ANK2: variants seen among roughly 807,000 people sequenced by gnomAD.
ANK2 encodes the protein ankyrin 2.
Under a neutral mutation model 360.5 loss-of-function variants are expected in ANK2, and 83 were observed. The ratio of observed to expected loss-of-function variants is 0.23; its 90% confidence interval spans 0.19 to 0.28. The LOEUF is 0.28. ANK2 is among the 10% of genes least tolerant of loss of function. ANK2 has a pLI of 1.00. For synonymous variants in ANK2, 1,740 were observed against 1,759.5 expected (o/e 0.99, Z 0.28); for missense variants, 4,201 against 4,795.7 (o/e 0.88, Z 3.66).
At chr4:112,848,767 A>G (rs970664460) in intron 1 of ANK2, among the ~76,000 whole-genome samples, 3 of 152,210 alleles carry the variant, frequency 2.0e-5, no homozygotes, top group Non-Finnish European at 4.4e-5. Flanking sequence ...AAAAATAGAC[A>G]TGGAATAAAT....
the ANK2 span, among the ~76,000 whole-genome samples, chr4:112,757,526 T>C: frequency 6.6e-6 from 1 of 152,254 alleles, no homozygotes; most frequent in South Asian, 2.1e-4. Flanking sequence ...CATTAATTTA[T>C]TTGATCTCAT....
In ANK2 at chr4:113,158,860, C is replaced by CA. The variant is rs552981200; in HGVS notation, c.85-15549dup. 4.5e-3 allele frequency among the ~76,000 whole-genome samples: 680 copies of CA among 151,914 alleles called. 7 individuals carry two copies. Among genetic ancestry groups the CA allele is most frequent in the African/African-American group, 0.015 (633 of 41,460 alleles). On this transcript the variant is annotated intron_variant, in intron 1 of 45. Coordinates refer to ENST00000357077, the MANE Select transcript of ANK2 (RefSeq NM_001148.6). ...TTCTGGGTACAGTTTACTGCTTTGC[C>CA]AAAAAAAGTTCTGTTATCTTTTCAT...
intron 1 of ANK2, among the ~76,000 whole-genome samples, chr4:113,168,301 A>G (rs1340541071): frequency 6.6e-6 from 1 of 152,220 alleles, no homozygotes; most frequent in Non-Finnish European, 1.5e-5. Context: ...TATGATTCCA[A>G]TTCTCAATTT....
chr4:113,156,371 C>T (rs78026031), intron 1 of ANK2, among the ~76,000 whole-genome samples: 2,403 of 128,368 alleles, frequency 0.019, 78 homozygotes, highest in African/African-American at 0.06. Flanking sequence ...TAGAAAAATT[C>T]TTTTTTTTTT....
chr4:112,943,746 G>C (rs369896837), intron 2 of ANK2, among the ~76,000 whole-genome samples: 5 of 152,068 alleles, frequency 3.3e-5, no homozygotes, highest in Non-Finnish European at 7.4e-5. Context: ...GTAAAATCGA[G>C]CCTACATTGT....
intron 1 of ANK2, among the ~76,000 whole-genome samples, chr4:112,848,017 G>A (rs11098177): frequency 6.6e-6 from 1 of 152,078 alleles, no homozygotes; most frequent in Non-Finnish European, 1.5e-5. Flanking sequence ...ATTGAGCACA[G>A]AATGACTCAC....
At chr4:113,237,375 G>A (rs1220534987) in intron 6 of ANK2, among the ~76,000 whole-genome samples, 1 of 152,170 alleles carries the variant, frequency 6.6e-6, no homozygotes, top group Admixed American at 6.5e-5. Flanking sequence ...AAAAGATGAG[G>A]TTGAGCTTTT....
At chr4:113,113,130 T>A (rs376952373) in intron 1 of ANK2, among the ~76,000 whole-genome samples, 4 of 152,140 alleles carry the variant, frequency 2.6e-5, no homozygotes, top group African/African-American at 9.7e-5. Context: ...ATGAACTTGA[T>A]TAGAATAATG....
intron 1 of ANK2, among the ~76,000 whole-genome samples, chr4:113,147,134 G>A (rs2096863662): frequency 6.6e-6 from 1 of 152,200 alleles, no homozygotes; most frequent in African/African-American, 2.4e-5. Context: ...AAAGAGGACA[G>A]TAGTTCCAGC....
intron 45 of ANK2, chr4:113,373,775 A>C: frequency 2.1e-6 from 1 of 477,342 alleles, no homozygotes; most frequent in East Asian, 5.6e-5. Flanking sequence ...GGCAAGCAGT[A>C]TGCTGTGGAG....
At chr4:113,043,916 C>A (rs1483446243) in intron 2 of ANK2, among the ~76,000 whole-genome samples, 1 of 152,102 alleles carries the variant, frequency 6.6e-6, no homozygotes, top group Admixed American at 6.6e-5. Context: ...TTCCTTTTTG[C>A]TACCCACCCC....
intron 2 of ANK2, among the ~76,000 whole-genome samples, chr4:113,000,633 G>T (rs1450713286): frequency 2.0e-5 from 3 of 152,174 alleles, no homozygotes; most frequent in Admixed American, 2.0e-4. Context: ...AAAAAATTAT[G>T]AGTTTAGAAA....
intron 4 of ANK2, among the ~76,000 whole-genome samples, chr4:113,216,147 T>C (rs2099082993): frequency 6.6e-6 from 1 of 152,218 alleles, no homozygotes; most frequent in Admixed American, 6.5e-5. Flanking sequence ...ATTTCATCAC[T>C]AATATTTATC....
chr4:112,847,371 T>C (rs2063561675), intron 1 of ANK2, among the ~76,000 whole-genome samples: 1 of 152,254 alleles, frequency 6.6e-6, no homozygotes, highest in African/African-American at 2.4e-5. Context: ...TCATTCTTGA[T>C]TCTTCTTTAT....
intron 2 of ANK2, among the ~76,000 whole-genome samples, chr4:113,185,256 A>G (rs2098497670): frequency 6.6e-6 from 1 of 152,136 alleles, no homozygotes; most frequent in Non-Finnish European, 1.5e-5. Context: ...GTTTGGTTCT[A>G]GATCTGGTTC....
rs192836523 is a variant in ANK2, at chr4:113,194,741, C to G, written c.187-1627C>G. Among the ~76,000 whole-genome samples, 277 of 152,216 alleles carry G rather than the reference C, an allele frequency of 1.8e-3. 1 individual carries two copies. The highest frequency in any genetic ancestry group is 3.3e-3 in the Non-Finnish European group (222 of 67,966). On this transcript the variant is annotated intron_variant, in intron 2 of 45. Coordinates refer to ENST00000357077, the MANE Select transcript of ANK2 (RefSeq NM_001148.6). Reference sequence around the variant, plus strand: ...CTCACAGATCTGCAAAGCCCAATATCTTGCTCACAATAAGAGCTCAATAAA... The same window carrying G: ...CTCACAGATCTGCAAAGCCCAATATGTTGCTCACAATAAGAGCTCAATAAA...
chr4:113,026,963 C>T (rs2059408228), intron 2 of ANK2, among the ~76,000 whole-genome samples: 1 of 151,950 alleles, frequency 6.6e-6, no homozygotes, highest in African/African-American at 2.4e-5. Flanking sequence ...CTGGGAGATC[C>T]AGAGGTATGC....
intron 42 of ANK2, 150 bp downstream of exon 42, chr4:113,368,001 C>T (rs939864781): frequency 1.3e-5 from 12 of 954,420 alleles, no homozygotes; most frequent in South Asian, 9.5e-5. Flanking sequence ...AAAAAAAAAG[C>T]GTTAACATGT....
rs145857829 is a variant in ANK2, at chr4:113,240,368, T to C, written c.694-117T>C. ...TAAGATTTAAGATCTTACTAAAGCA[T>C]TTATTATTGCTTATATATTAGGTAG... On this transcript the variant is annotated intron_variant, in intron 7 of 45. Coordinates refer to ENST00000357077, the MANE Select transcript of ANK2 (RefSeq NM_001148.6). 8.8e-5 allele frequency: 67 copies of C among 762,482 alleles called. No homozygotes were observed. In the African/African-American group the frequency reaches 9.8e-4, roughly 11 times the overall value. 47.2% of individuals were successfully genotyped at this position (762,482 alleles called of 1,614,324 possible).
Sources: allele counts gnomAD v4.1 joint callset (sites outside exome capture counted in the v4.1 genomes callset), GRCh38; gene constraint gnomAD v4.1.1; transcripts MANE v1.5; gene names NCBI Gene and HGNC (gene_info 2026-07-23, HGNC 2026-07-21).